PBX1: variants seen among roughly 807,000 people sequenced by gnomAD.
PBX1 encodes the protein pre-B-cell leukemia transcription factor 1.
In PBX1, 6 loss-of-function variants were observed where a neutral mutation model predicts 53.4. That is an observed-to-expected ratio of 0.11 (90% CI 0.06 to 0.22). PBX1 has a LOEUF of 0.22. PBX1 is among the 10% of genes least tolerant of loss of function. The probability of loss-of-function intolerance (pLI) is 1.00; values close to 1 mark genes in which losing one functional copy is unlikely to be tolerated. For missense variants in PBX1, 251 were observed against 551.4 expected (o/e 0.46, Z 5.46); for synonymous variants, 204 against 212.3 (o/e 0.96, Z 0.34).
intron 1 of PBX1, among the ~76,000 whole-genome samples, chr1:164,562,494 C>CACACACACACA (rs1571223010): frequency 1.2e-4 from 18 of 146,296 alleles, no homozygotes; most frequent in Middle Eastern, 3.5e-3. Flanking sequence ...CACACACACA[C>CACACACACACA]CAGGTAAATC....
At chr1:164,884,081 A>T (rs981570090) in intron 2 of PBX1, among the ~76,000 whole-genome samples, 6 of 152,174 alleles carry the variant, frequency 3.9e-5, no homozygotes, top group African/African-American at 1.4e-4. Context: ...AACCTTGAGC[A>T]AGTCATTTAA....
chr1:164,768,881 T>C (rs944375402), intron 2 of PBX1, among the ~76,000 whole-genome samples: 1 of 152,082 alleles, frequency 6.6e-6, no homozygotes, highest in Admixed American at 6.5e-5. Flanking sequence ...TGGTGAAATC[T>C]GTTTCTACTA....
chr1:164,810,382 C>T (rs1320195352), intron 5 of PBX1, among the ~76,000 whole-genome samples: 1 of 152,122 alleles, frequency 6.6e-6, no homozygotes, highest in African/African-American at 2.4e-5. Flanking sequence ...CAGGAAGTCC[C>T]TGAACTGACC....
chr1:164,597,246 C>T (rs1039628714), intron 2 of PBX1, among the ~76,000 whole-genome samples: 4 of 152,220 alleles, frequency 2.6e-5, no homozygotes, highest in Non-Finnish European at 5.9e-5. Flanking sequence ...ACTTCTTCAG[C>T]CAGGATGGGT....
In PBX1 at chr1:164,750,745, A is replaced by T. The variant is rs1666167407; in HGVS notation, c.266-41749A>T. Among the ~76,000 whole-genome samples, 3 of 152,192 alleles carry T rather than the reference A, an allele frequency of 2.0e-5. No homozygotes were observed. In the South Asian group the frequency reaches 6.2e-4, roughly 32 times the overall value. ...TATATACTAGGCTAGAAAGTACTAT[A>T]AGAACTAGTACATAAGATCTGGAAC... On this transcript the variant is annotated intron_variant, in intron 2 of 8. Coordinates refer to ENST00000420696, the MANE Select transcript of PBX1 (RefSeq NM_002585.4).
At chr1:164,645,893 A>G (rs999419315) in intron 2 of PBX1, among the ~76,000 whole-genome samples, 9 of 152,178 alleles carry the variant, frequency 5.9e-5, no homozygotes, top group Non-Finnish European at 1.3e-4. Context: ...GAGTTGTGTG[A>G]TAGGTAAAGA....
chr1:164,588,473 CTTTTTTTTTTTTTTTT>C (rs371768861), intron 2 of PBX1, among the ~76,000 whole-genome samples: 10 of 73,048 alleles, frequency 1.4e-4, no homozygotes, highest in African/African-American at 2.8e-4. Context: ...CCGGACTAAG[CTTTTTTTTTTTTTTTT>C]TTTTTTTTTT....
At chr1:164,777,004 C>T in intron 2 of PBX1, among the ~76,000 whole-genome samples, 1 of 136,256 alleles carries the variant, frequency 7.3e-6, no homozygotes, top group Non-Finnish European at 1.6e-5. Flanking sequence ...CGGGGGGCTG[C>T]CATCCAGAAG....
chr1:164,766,062 G>A (rs1173361140), intron 2 of PBX1, among the ~76,000 whole-genome samples: 1 of 152,180 alleles, frequency 6.6e-6, no homozygotes, highest in Admixed American at 6.5e-5. Flanking sequence ...CAGAAAAGCA[G>A]TACATGCAGC....
intron 2 of PBX1, among the ~76,000 whole-genome samples, chr1:164,664,382 T>C (rs1163405839): frequency 2.0e-5 from 3 of 152,182 alleles, no homozygotes; most frequent in African/African-American, 7.2e-5. Flanking sequence ...GTACCAAAAC[T>C]GTCACCACAA....
At chr1:164,807,732 G>T in intron 5 of PBX1, 55 bp downstream of exon 5, 2 of 1,598,620 alleles carry the variant, frequency 1.3e-6, no homozygotes, top group Non-Finnish European at 1.7e-6. Context: ...GGGGCCTCCG[G>T]GGCAGGCTCT....
chr1:164,679,037 A>G (rs1207740931), intron 2 of PBX1, among the ~76,000 whole-genome samples: 1 of 152,236 alleles, frequency 6.6e-6, no homozygotes, highest in African/African-American at 2.4e-5. Flanking sequence ...ATCTTCTTGT[A>G]TCAAGACCAG....
chr1:164,673,928 C>A (rs1020644698), intron 2 of PBX1, among the ~76,000 whole-genome samples: 1 of 152,114 alleles, frequency 6.6e-6, no homozygotes, highest in Non-Finnish European at 1.5e-5. Flanking sequence ...TTCGTTACTC[C>A]CTTGTAGGGA....
intron 2 of PBX1, among the ~76,000 whole-genome samples, chr1:164,604,427 C>T (rs1214872176): frequency 6.6e-6 from 1 of 152,210 alleles, no homozygotes; most frequent in African/African-American, 2.4e-5. Context: ...TCCACCCTGA[C>T]ATTCATTCAT....
chr1:164,778,646 AAAAAG>A (rs1021944782), intron 2 of PBX1, among the ~76,000 whole-genome samples: 4 of 151,850 alleles, frequency 2.6e-5, no homozygotes, highest in African/African-American at 7.3e-5. Context: ...CAAAAAAAAA[AAAAAG>A]AAGAACAGGT....
chr1:164,762,133 T>G (rs1666845841), intron 2 of PBX1, among the ~76,000 whole-genome samples: 1 of 152,192 alleles, frequency 6.6e-6, no homozygotes, highest in Non-Finnish European at 1.5e-5. Context: ...GACCTGCCCT[T>G]GTAAAGTTAA....
At chr1:164,696,269 A>G (rs939353525) in intron 2 of PBX1, among the ~76,000 whole-genome samples, 7 of 152,112 alleles carry the variant, frequency 4.6e-5, no homozygotes, top group Non-Finnish European at 8.8e-5. Flanking sequence ...AAAGTTTTTG[A>G]AAAAAAGAAT....
At chr1:164,684,179 C>T (rs1430745806) in intron 2 of PBX1, 1 of 152,160 alleles carries the variant, frequency 6.6e-6, no homozygotes, top group African/African-American at 2.4e-5. Flanking sequence ...CTATGCTTAC[C>T]TTTAAAGCAG....
chr1:164,846,432 A>G (rs1671571933), intron 8 of PBX1, 152 bp from the exon 9 acceptor site: 3 of 699,854 alleles, frequency 4.3e-6, no homozygotes, highest in Non-Finnish European at 7.7e-6. Context: ...GGGCAATATT[A>G]TCACCCACAG....
Sources: allele counts gnomAD v4.1 joint callset (sites outside exome capture counted in the v4.1 genomes callset), GRCh38; gene constraint gnomAD v4.1.1; transcripts MANE v1.5; gene names NCBI Gene and HGNC (gene_info 2026-07-23, HGNC 2026-07-21).